Variants in ALDH1A3 observed in about 807,000 individuals in gnomAD.
ALDH1A3 encodes aldehyde dehydrogenase 1 family member A3, also known as retinaldehyde dehydrogenase 3.
A neutral mutation model predicts 57.5 loss-of-function variants in ALDH1A3; 28 were observed. The ratio of observed to expected loss-of-function variants is 0.49; its 90% CI spans 0.36 to 0.67. The LOEUF is 0.67. Ranked by LOEUF, ALDH1A3 falls within the 30% of genes least tolerant of loss-of-function variation. The probability of loss-of-function intolerance (pLI) is 0.00; values close to 1 mark genes in which losing one functional copy is unlikely to be tolerated. For synonymous variants in ALDH1A3, 281 were observed against 264.8 expected (o/e 1.06, Z -0.59); for missense variants, 507 against 669.4 (o/e 0.76, Z 2.68).
intron 4 of ALDH1A3, 38 bp from the exon 5 acceptor site, chr15:100,892,903 CTAAG>C (rs2141555219): frequency 2.5e-6 from 4 of 1,602,038 alleles, no homozygotes; most frequent in East Asian, 2.2e-5. Context: ...CTAACCTGGA[CTAAG>C]TGAGTGTGTC....
chr15:100,891,054 G>A (rs141886648), intron 3 of ALDH1A3, among the ~76,000 whole-genome samples: 1 of 152,276 alleles, frequency 6.6e-6, no homozygotes, highest in Non-Finnish European at 1.5e-5. Context: ...GGGTCCCCAG[G>A]TGAGGATCGC....
chr15:100,900,602 A>G lies in ALDH1A3; in HGVS notation c.911A>G (p.Gln304Arg), dbSNP rs772696922. The G allele has an allele frequency of 1.9e-6, 3 of 1,600,900 alleles. No homozygotes were observed. In the South Asian group the frequency reaches 3.4e-5, roughly 18 times the overall value. Residue 304 changes from glutamine to arginine, a missense_variant, in exon 9 of 13, where the codon CAG (glutamine) becomes CGG (arginine). This residue lies in a region of ALDH1A3 where 432 missense variants were observed against 608.4 expected (regional missense o/e 0.71). Coordinates refer to ENST00000329841, the MANE Select transcript of ALDH1A3 (RefSeq NM_000693.4). ...GACTTGGCAGTGGAGTGTGCCCATC[A>G]GGGAGTGTTCTTCAACCAAGGCCAG... The part of the protein sequence containing the change: ...DLDLAVECAH[Q>R]GVFFNQGQCC...
intron 2 of ALDH1A3, 30 bp downstream of exon 2, chr15:100,885,401 T>A: frequency 6.7e-7 from 1 of 1,495,956 alleles, no homozygotes; most frequent in South Asian, 1.1e-5. Context: ...TTGCTCTAAG[T>A]AATTCAATTA....
At chr15:100,880,599 T>A (rs2041538298) in intron 1 of ALDH1A3, 1 of 175,216 alleles carries the variant, frequency 5.7e-6, no homozygotes, top group Non-Finnish European at 1.2e-5. Flanking sequence ...GCTCGCTTAC[T>A]GACGAAACCT....
Position 100,906,197 on chromosome 15 carries a change from G to A in ALDH1A3, c.1233+510G>A, listed in dbSNP as rs1679190244. 6.6e-6 allele frequency among the ~76,000 whole-genome samples: 1 copy of A among 152,226 alleles called. No individual in the cohort carries two copies. The highest frequency in any genetic ancestry group is 2.4e-5 in the African/African-American group (1 of 41,452). ...TTTCCACCACGGACGTCTTGAAAATGAGGGAAATTAAGGAGACTCCCCCAC... is the reference window on the plus strand; with the variant it reads ...TTTCCACCACGGACGTCTTGAAAATAAGGGAAATTAAGGAGACTCCCCCAC... On this transcript the variant is annotated intron_variant, in intron 10 of 12. Coordinates refer to ENST00000329841, the MANE Select transcript of ALDH1A3 (RefSeq NM_000693.4). This position sits in a 1 kb window ranked among gnomAD's most constrained non-coding sequence, Gnocchi z 4.8.
At chr15:100,910,645 A>G (rs765644206) in intron 12 of ALDH1A3, among the ~76,000 whole-genome samples, 3 of 152,212 alleles carry the variant, frequency 2.0e-5, no homozygotes, top group Non-Finnish European at 4.4e-5. Context: ...GCAGTGCAGG[A>G]CCTTGCTCAA....
At chr15:100,907,844 CTT>C (rs71151987) in intron 11 of ALDH1A3, among the ~76,000 whole-genome samples, 1 of 81,930 alleles carries the variant, frequency 1.2e-5, no homozygotes, top group African/African-American at 4.8e-5. Context: ...TTCTTTCTTT[CTT>C]TTTTTTTTTT....
Position 100,900,743 on chromosome 15 carries a change from CAG to C in ALDH1A3, c.1054_1055del (p.Glu352ThrfsTer6). 6.2e-7 allele frequency: 1 copy of C among 1,614,032 alleles called. No individual in the cohort carries two copies. The highest frequency in any genetic ancestry group is 8.5e-7 in the Non-Finnish European group (1 of 1,179,986). The stretch of plus-strand genomic sequence containing the variant: ...GTGGGAGACCCCTTCGATGTCAAAA[CAG>C]AACAGGGGCCTCAGGTAATCCCCCT... On this transcript the variant is annotated frameshift_variant, in exon 9 of 13. Transcript: ENST00000329841. LOFTEE classifies it high-confidence loss of function.
intron 1 of ALDH1A3, 133 bp downstream of exon 1, chr15:100,880,139 G>A (rs1366230134): frequency 7.4e-6 from 4 of 541,112 alleles, no homozygotes; most frequent in Non-Finnish European, 8.4e-6. Context: ...CTCCCTGCCC[G>A]GGCGCGGCTC....
At chr15:100,913,979 G>A (rs1198483898) in intron 12 of ALDH1A3, 1 of 152,246 alleles carries the variant, frequency 6.6e-6, no homozygotes, top group Admixed American at 6.5e-5. Flanking sequence ...CTTGGGTCTT[G>A]GAAGGGAAGC....
At chr15:100,901,534 A>G (rs2041768818) in intron 9 of ALDH1A3, among the ~76,000 whole-genome samples, 1 of 152,152 alleles carries the variant, frequency 6.6e-6, no homozygotes, top group Non-Finnish European at 1.5e-5. Context: ...CTGTGACAGC[A>G]CTGCATGTTT....
In ALDH1A3 at chr15:100,892,952, C is replaced by T. The variant is rs779308506; in HGVS notation, c.483C>T (p.Asn161=). ...CATGTAACCCTCTTCCAGATGACAA[C>T]GTCGTGTGCTTCACCAGGCATGAGC... ...IQGKTIPTDD[N]VVCFTRHEPI... is the part of the protein sequence containing the mutation. The change falls in exon 5 of 13, where the codon AAC becomes AAT. Residue 161 remains asparagine (N), a synonymous_variant. Transcript: ENST00000329841. 15 of 1,613,966 alleles carry T rather than the reference C, an allele frequency of 9.3e-6. No individual in the cohort carries two copies. Among genetic ancestry groups the T allele is most frequent in the South Asian group, 3.3e-5 (3 of 91,062 alleles).
chr15:100,910,832 G>A (rs1157015094), intron 12 of ALDH1A3, among the ~76,000 whole-genome samples: 1 of 152,224 alleles, frequency 6.6e-6, no homozygotes, highest in Non-Finnish European at 1.5e-5. Context: ...AAGGACTCCA[G>A]TCCCCGAAGC....
In ALDH1A3 at chr15:100,879,878, G is replaced by A; in HGVS notation, c.-30G>A. 1 of 1,355,664 alleles carries A rather than the reference G, an allele frequency of 7.4e-7. No homozygotes were observed. Among genetic ancestry groups the A allele is most frequent in the Non-Finnish European group, 9.5e-7 (1 of 1,048,116 alleles). The allele number at this position is 1,355,664 out of a possible 1,614,324, so 84.0% of individuals were successfully genotyped here. A position where few individuals can be genotyped will look rare whatever the true frequency, so the allele number is the denominator to read the frequency against. ...CCGAGCCGGTGCGCCGCAGACTAGG[G>A]CGCCTCGGGCCAGGGAGCGCGGAGG... On this transcript the variant is annotated 5_prime_UTR_variant, in exon 1 of 13. Coordinates refer to ENST00000329841, the MANE Select transcript of ALDH1A3 (RefSeq NM_000693.4).
rs1257789745 is a variant in ALDH1A3 at position 100,885,347 on chromosome 15, A to C, written c.180A>C (p.Ile60=). 1.9e-6 allele frequency: 3 copies of C among 1,612,860 alleles called. No homozygotes were observed. In the South Asian group the frequency reaches 3.3e-5, roughly 18 times the overall value. The change falls in exon 2 of 13, where the codon ATA becomes ATC. Residue 60 remains isoleucine (I), a synonymous_variant. Transcript: ENST00000329841. ...ATCNPSTREQ[I]CEVEEGDKPD... ...GTAACCCTTCAACTCGGGAGCAAAT[A>C]TGTGAAGTGGAAGAAGGAGATAAGG...
chr15:100,909,771 A>T (rs1333318073), intron 12 of ALDH1A3, among the ~76,000 whole-genome samples: 3 of 152,240 alleles, frequency 2.0e-5, no homozygotes, highest in Middle Eastern at 3.2e-3. Context: ...CCAGCCGGAC[A>T]CTGTCTTCTC....
chr15:100,900,834 A>G, intron 9 of ALDH1A3, 75 bp downstream of exon 9: 3 of 1,514,702 alleles, frequency 2.0e-6, no homozygotes, highest in Non-Finnish European at 2.7e-6. Flanking sequence ...GCAACCGCCT[A>G]CAGGGTCCCT....
In ALDH1A3 at chr15:100,914,834, T is replaced by C; in HGVS notation, c.*61T>C. 5 of 1,529,638 alleles carry C rather than the reference T, an allele frequency of 3.3e-6. No homozygotes were observed. Among genetic ancestry groups the C allele is most frequent in the Non-Finnish European group, 3.6e-6 (4 of 1,109,448 alleles). 94.8% of individuals were successfully genotyped at this position (1,529,638 alleles called of 1,614,324 possible). Reference sequence around the variant, plus strand: ...GCGGAATGTGGCAGATGAAATGTGCTGGAGGAAAAAAATGACATTTCTGAC... The same window carrying C: ...GCGGAATGTGGCAGATGAAATGTGCCGGAGGAAAAAAATGACATTTCTGAC... On this transcript the variant is annotated 3_prime_UTR_variant, in exon 13 of 13. Transcript: ENST00000329841.
chr15:100,898,464 TAAG>T (rs1416687433), intron 8 of ALDH1A3, among the ~76,000 whole-genome samples: 1 of 152,220 alleles, frequency 6.6e-6, no homozygotes, highest in African/African-American at 2.4e-5. Context: ...GCCTTAGCGT[TAAG>T]TTTACCTGCC....
Sources: allele counts gnomAD v4.1 joint callset (sites outside exome capture counted in the v4.1 genomes callset), GRCh38; gene constraint gnomAD v4.1.1; regional missense constraint gnomAD v4.1.1; non-coding constraint Gnocchi (gnomAD v3.1); transcripts MANE v1.5; gene names NCBI Gene and HGNC (gene_info 2026-07-23, HGNC 2026-07-21).